Variants in RANBP10 observed in about 807,000 individuals in gnomAD.
The protein encoded by RANBP10 is ran-binding protein 10.
Under a neutral mutation model 72.8 loss-of-function variants are expected in RANBP10, and 24 were observed. The observed-to-expected ratio is 0.33, with a 90% CI of 0.24 to 0.46. RANBP10 has a LOEUF of 0.46. Among genes scored for constraint, RANBP10 ranks in the 20% least tolerant of loss-of-function variants. RANBP10 has a pLI of 1.00. For synonymous variants in RANBP10, 310 were observed against 322.3 expected (o/e 0.96, Z 0.41); for missense variants, 679 against 817.5 (o/e 0.83, Z 2.07).
intron 5 of RANBP10, 58 bp downstream of exon 5, chr16:67,737,955 C>T (rs2053887581): frequency 2.6e-6 from 4 of 1,540,374 alleles, no homozygotes; most frequent in Admixed American, 3.8e-5. Flanking sequence ...TACCACCGTG[C>T]CCCATCCCAG....
chr16:67,744,877 G>C (rs1045621507), intron 3 of RANBP10, among the ~76,000 whole-genome samples: 5 of 152,228 alleles, frequency 3.3e-5, no homozygotes, highest in African/African-American at 9.6e-5. Context: ...ATGCTGGAGT[G>C]CAATGGTGTG....
At chr16:67,754,993 G>C (rs1297963430) in intron 3 of RANBP10, among the ~76,000 whole-genome samples, 1 of 152,158 alleles carries the variant, frequency 6.6e-6, no homozygotes, top group Non-Finnish European at 1.5e-5. Flanking sequence ...CTAAGAGGCT[G>C]ACTGGAGGCC....
rs529949377 is a variant in RANBP10 at position 67,733,641 on chromosome 16, A to T, written c.776+1217T>A. Among the ~76,000 whole-genome samples the T allele has an allele frequency of 3.3e-5, 5 of 152,328 alleles. No individual in the cohort carries two copies. The South Asian group carries it at 1.0e-3, about 32-fold the overall frequency. On this transcript the variant is annotated intron_variant, in intron 6 of 13. Transcript: ENST00000317506. Reference sequence around the variant, plus strand: ...GTCTTGGCAAATGCTACATATGAACACATACAAGCACATGGATACACACAT... The same window carrying T: ...GTCTTGGCAAATGCTACATATGAACTCATACAAGCACATGGATACACACAT...
chr16:67,730,037 T>C lies in RANBP10; in HGVS notation c.899A>G (p.Lys300Arg). The C allele has an allele frequency of 3.7e-6, 6 of 1,612,280 alleles. No homozygotes were observed. Among genetic ancestry groups the C allele is most frequent in the Non-Finnish European group, 5.1e-6 (6 of 1,179,982 alleles). Residue 300 changes from lysine to arginine, a missense_variant, in exon 8 of 14, where the codon AAG becomes AGG. Transcript: ENST00000317506. The surrounding 1 kb of genome is among the most constrained non-coding windows in gnomAD (Gnocchi z 4.3). ...GCCCACACGGCCCTCCAGCACCAGC[T>C]TCTGGATCTCTGCAGGGTGCAAGAA... is the stretch of plus-strand genomic sequence containing the variant. Reference protein sequence around the residue: ...ASIKNRQKIQKLVLEGRVGEA... With the variant: ...ASIKNRQKIQRLVLEGRVGEA...
chr16:67,777,635 T>C (rs1486408029), intron 2 of RANBP10, among the ~76,000 whole-genome samples: 5 of 152,078 alleles, frequency 3.3e-5, no homozygotes, highest in Non-Finnish European at 5.9e-5. Context: ...CACAAATAAA[T>C]GGAAAGACAT....
chr16:67,788,540 G>C lies in RANBP10; in HGVS notation c.348-16454C>G, dbSNP rs1464025207. ...CCAAAGTGCTGGGATTACAGCGTGA[G>C]CCAGCGCGCCCAGCCCTTTTTTTTG... On this transcript the variant is annotated intron_variant, in intron 2 of 13. Coordinates refer to ENST00000317506, the MANE Select transcript of RANBP10 (RefSeq NM_020850.3). Among the ~76,000 whole-genome samples, 4 of 150,744 alleles carry C rather than the reference G, an allele frequency of 2.7e-5. No homozygotes were observed. In the Admixed American group the frequency reaches 2.7e-4, roughly 10 times the overall value.
chr16:67,789,690 C>G (rs2054987919), intron 2 of RANBP10, among the ~76,000 whole-genome samples: 1 of 151,682 alleles, frequency 6.6e-6, no homozygotes. Flanking sequence ...AGGCTGGTCT[C>G]AAACTCATGA....
At chr16:67,802,391 A>ATG (rs1195127499) in intron 2 of RANBP10, among the ~76,000 whole-genome samples, 1 of 152,184 alleles carries the variant, frequency 6.6e-6, no homozygotes, top group Non-Finnish European at 1.5e-5. Context: ...TAATCTTAGC[A>ATG]CTTTGGGAGA....
At chr16:67,737,966 T>C in intron 5 of RANBP10, 47 bp downstream of exon 5, 1 of 1,559,284 alleles carries the variant, frequency 6.4e-7, no homozygotes, top group African/African-American at 1.4e-5. Context: ...CCCATCCCAG[T>C]CAGCCCCCAG....
chr16:67,766,953 T>C (rs1478039764), intron 3 of RANBP10, among the ~76,000 whole-genome samples: 3 of 152,140 alleles, frequency 2.0e-5, no homozygotes, highest in East Asian at 1.9e-4. Context: ...TGATCAGATA[T>C]GGCAGGAAGG....
chr16:67,802,895 T>TA (rs1172836472), intron 2 of RANBP10, among the ~76,000 whole-genome samples: 1 of 152,154 alleles, frequency 6.6e-6, no homozygotes, highest in African/African-American at 2.4e-5. Context: ...TCCAGGTCTC[T>TA]AAGTGTAAAC....
chr16:67,804,330 A>C lies in RANBP10; in HGVS notation c.347+1098T>G, dbSNP rs2055292972. Among the ~76,000 whole-genome samples, 3 of 152,094 alleles carry C rather than the reference A, an allele frequency of 2.0e-5. No homozygotes were observed. In the South Asian group the frequency reaches 6.2e-4, roughly 32 times the overall value. On this transcript the variant is annotated intron_variant, in intron 2 of 13. Coordinates refer to ENST00000317506, the MANE Select transcript of RANBP10 (RefSeq NM_020850.3). ...GAGACTGGGAGAAAGAAAAAAAATT[A>C]AGTATCTCCCCTATGATTTCCTGTG...
At chr16:67,804,389 C>G (rs1274882007) in intron 2 of RANBP10, among the ~76,000 whole-genome samples, 1 of 151,952 alleles carries the variant, frequency 6.6e-6, no homozygotes, top group Non-Finnish European at 1.5e-5. Context: ...GGGAGTCTCC[C>G]TAATGCTGAC....
intron 3 of RANBP10, among the ~76,000 whole-genome samples, chr16:67,766,003 C>T (rs1362070648): frequency 6.6e-6 from 1 of 152,072 alleles, no homozygotes; most frequent in African/African-American, 2.4e-5. Context: ...GAGTAAGACC[C>T]TGTCTCAGAT....
At chr16:67,804,547 G>C (rs2055297538) in intron 2 of RANBP10, among the ~76,000 whole-genome samples, 1 of 152,002 alleles carries the variant, frequency 6.6e-6, no homozygotes, top group Non-Finnish European at 1.5e-5. Context: ...GATTACAGGT[G>C]CACACCACCA....
intron 6 of RANBP10, among the ~76,000 whole-genome samples, chr16:67,732,611 T>C (rs2053755772): frequency 6.6e-6 from 1 of 152,180 alleles, no homozygotes; most frequent in Non-Finnish European, 1.5e-5. Context: ...TATTACATAA[T>C]ATTATAGTAT....
At chr16:67,793,533 A>G (rs1349695194) in intron 2 of RANBP10, among the ~76,000 whole-genome samples, 3 of 151,980 alleles carry the variant, frequency 2.0e-5, no homozygotes, top group Admixed American at 2.0e-4. Flanking sequence ...GCTGGTCTCA[A>G]ACTCCTAACC....
At chr16:67,770,243 A>G (rs908096794) in intron 3 of RANBP10, among the ~76,000 whole-genome samples, 11 of 152,158 alleles carry the variant, frequency 7.2e-5, no homozygotes, top group Admixed American at 5.9e-4. Context: ...AGCTACAACT[A>G]CTTAGCCAAG....
chr16:67,787,140 G>A (rs1326998243), intron 2 of RANBP10, among the ~76,000 whole-genome samples: 17 of 152,158 alleles, frequency 1.1e-4, no homozygotes, highest in Non-Finnish European at 1.0e-4. Flanking sequence ...TCAGGAGGCT[G>A]AGGTGGGAGA....
Sources: gnomAD v4.1 joint callset for allele counts (sites outside exome capture counted in the v4.1 genomes callset) on GRCh38, gnomAD v4.1.1 for gene constraint, Gnocchi (gnomAD v3.1) non-coding constraint, MANE v1.5 for transcripts, NCBI Gene and HGNC (gene_info 2026-07-23, HGNC 2026-07-21) for gene names.